Variants in KIAA1217 observed in about 807,000 individuals in gnomAD.
The protein encoded by KIAA1217 is KIAA1217, also known as sickle tail protein homolog.
Under a neutral mutation model 163.9 loss-of-function variants are expected in KIAA1217, and 88 were observed. The observed-to-expected ratio is 0.54, with a 90% CI of 0.45 to 0.64. The LOEUF (loss-of-function observed/expected upper bound fraction) is 0.64, where lower values mean the gene tolerates loss of function less well. Among genes scored for constraint, KIAA1217 ranks in the 30% least tolerant of loss-of-function variants. KIAA1217 has a pLI of 0.00. For synonymous variants in KIAA1217, 903 were observed against 923.1 expected (o/e 0.98, Z 0.39); for missense variants, 2,372 against 2,475.0 (o/e 0.96, Z 0.88).
In KIAA1217 at chr10:24,066,763, G is replaced by A. The variant is rs189539054; in HGVS notation, c.-171+59389G>A. On this transcript the variant is annotated intron_variant, in intron 2 of 18. Transcript: ENST00000376462. ...TTTCCAACTTGGTTCCATTCTCCCC[G>A]TCAATTTCAGGTACACCAATTAGAC... Among the ~76,000 whole-genome samples, 104 of 152,268 alleles carry A rather than the reference G, an allele frequency of 6.8e-4. 1 individual carries two copies. Among genetic ancestry groups the A allele is most frequent in the African/African-American group, 2.0e-3 (85 of 41,560 alleles).
At chr10:24,479,685 G>C (rs1189937913) in intron 6 of KIAA1217, among the ~76,000 whole-genome samples, 1 of 152,206 alleles carries the variant, frequency 6.6e-6, no homozygotes, top group Non-Finnish European at 1.5e-5. Flanking sequence ...CATGGTTCTA[G>C]AGGCTGAGAA....
rs181535242 is a variant in KIAA1217 at position 24,524,507 on chromosome 10, G to A, written c.2641G>A (p.Gly881Ser). The part of the protein sequence containing the change: ...DAKSEVVPLS[G>S]MMVRHAQSSP... The stretch of plus-strand genomic sequence containing the variant: ...GAAGTCGGAAGTGGTGCCTTTGTCC[G>A]GCATGATGGTTCGCCACGCGCAGAG... Residue 881 changes from glycine (G) to serine (S), a missense_variant, in exon 13 of 21, where the codon GGC (glycine) becomes AGC (serine). Gly to Ser is a moderately conservative substitution (Grantham distance 56, BLOSUM62 0). Coordinates refer to ENST00000376454, the MANE Select transcript of KIAA1217 (RefSeq NM_019590.5). The A allele has an allele frequency of 6.3e-5, 101 of 1,614,128 alleles. No individual in the cohort carries two copies. The highest frequency in any genetic ancestry group is 1.1e-4 in the East Asian group (5 of 44,874).
chr10:23,781,322 G>C (rs1301485405), intron 1 of KIAA1217, among the ~76,000 whole-genome samples: 2 of 152,130 alleles, frequency 1.3e-5, no homozygotes, highest in East Asian at 1.9e-4. Context: ...AGTGTGGGGT[G>C]ATATCTCATT....
chr10:24,166,272 G>T (rs2065341060), intron 2 of KIAA1217, among the ~76,000 whole-genome samples: 1 of 151,902 alleles, frequency 6.6e-6, no homozygotes, highest in Non-Finnish European at 1.5e-5. Flanking sequence ...ACCTAGGAAG[G>T]CATTTCCTGT....
chr10:24,070,296 A>AG lies in KIAA1217; in HGVS notation c.-171+62922_-171+62923insG, dbSNP rs1298286961. 3.3e-5 allele frequency among the ~76,000 whole-genome samples: 5 copies of AG among 151,980 alleles called. No individual in the cohort carries two copies. The East Asian group carries it at 7.7e-4, about 23-fold the overall frequency. ...GACTATATCAGAATTGATAAAAAAA[A>AG]AAGAGATATTAATATCCAAAGCCAA... On this transcript the variant is annotated intron_variant, in intron 2 of 18. Coordinates refer to the KIAA1217 transcript ENST00000376462.
At position 24,543,266 on chromosome 10, in the gene KIAA1217, T is replaced by C. The variant is rs1367941246; in HGVS notation, c.3996T>C (p.Asp1332=). ...HTRLTESSVH[D]FKTEDQEVIT... ...GACTAACAGAATCAAGCGTGCATGA[T>C]TTTAAAACAGAAGATCAAGAGGTTA... The change falls in exon 19 of 21, where the codon GAT becomes GAC. Residue 1332 remains aspartate, a synonymous_variant. Coordinates refer to ENST00000376454, the MANE Select transcript of KIAA1217 (RefSeq NM_019590.5). 3.7e-6 allele frequency: 6 copies of C among 1,613,732 alleles called. No homozygotes were observed. Among genetic ancestry groups the C allele is most frequent in the African/African-American group, 1.3e-5 (1 of 74,798 alleles).
At chr10:23,843,558 T>G (rs538176918) in intron 1 of KIAA1217, among the ~76,000 whole-genome samples, 18 of 152,282 alleles carry the variant, frequency 1.2e-4, no homozygotes, top group African/African-American at 3.6e-4. Context: ...ACCTGTTCCA[T>G]TGGTCCCTCC....
intron 2 of KIAA1217, among the ~76,000 whole-genome samples, chr10:24,376,400 C>T (rs533459583): frequency 6.5e-4 from 99 of 152,290 alleles, no homozygotes; most frequent in Non-Finnish European, 1.2e-3. Context: ...TGTGACTCAA[C>T]GAGGTTATAT....
chr10:24,346,006 T>C (rs2047711349), intron 2 of KIAA1217, among the ~76,000 whole-genome samples: 1 of 152,164 alleles, frequency 6.6e-6, no homozygotes, highest in African/African-American at 2.4e-5. Context: ...CATTCTACTT[T>C]CTGTCTCTGT....
At chr10:23,735,253 A>T (rs183128774) in intron 1 of KIAA1217, among the ~76,000 whole-genome samples, 16 of 150,688 alleles carry the variant, frequency 1.1e-4, no homozygotes, top group Admixed American at 7.9e-4. Flanking sequence ...ATTTATTTTG[A>T]GATGGAGTCT....
chr10:24,502,762 G>T (rs946331468), intron 9 of KIAA1217, among the ~76,000 whole-genome samples: 2 of 152,172 alleles, frequency 1.3e-5, no homozygotes, highest in African/African-American at 2.4e-5. Context: ...GGAGGACGAG[G>T]CAGGTGGATG....
intron 2 of KIAA1217, among the ~76,000 whole-genome samples, chr10:24,203,565 C>T (rs183778528): frequency 6.6e-6 from 1 of 151,854 alleles, no homozygotes; most frequent in Admixed American, 6.6e-5. Flanking sequence ...CCCCCCAACC[C>T]CCACCTCCAC....
At chr10:23,737,919 G>T (rs556187886) in intron 1 of KIAA1217, among the ~76,000 whole-genome samples, 1 of 141,536 alleles carries the variant, frequency 7.1e-6, no homozygotes, top group East Asian at 2.0e-4. Flanking sequence ...AACTTACTGT[G>T]TGGCAAATTT....
At chr10:24,056,914 T>C (rs748708756) in intron 2 of KIAA1217, among the ~76,000 whole-genome samples, 11 of 152,214 alleles carry the variant, frequency 7.2e-5, no homozygotes, top group Non-Finnish European at 1.3e-4. Context: ...TTAAAGGTTG[T>C]ATTTAATTAC....
At chr10:24,447,687 C>T (rs968822241) in intron 5 of KIAA1217, among the ~76,000 whole-genome samples, 3 of 152,182 alleles carry the variant, frequency 2.0e-5, no homozygotes, top group African/African-American at 7.2e-5. Context: ...TAATTAGTGC[C>T]TTATCTACTA....
intron 1 of KIAA1217, among the ~76,000 whole-genome samples, chr10:23,838,016 G>A (rs529840233): frequency 6.6e-6 from 1 of 152,154 alleles, no homozygotes; most frequent in African/African-American, 2.4e-5. Context: ...TTGTCCTTTT[G>A]TCTTTCTGCT....
intron 2 of KIAA1217, among the ~76,000 whole-genome samples, chr10:24,149,250 G>A (rs1004859681): frequency 6.6e-6 from 1 of 152,140 alleles, no homozygotes; most frequent in Non-Finnish European, 1.5e-5. Flanking sequence ...CACAATCTCT[G>A]CTAACTGCAA....
intron 1 of KIAA1217, among the ~76,000 whole-genome samples, chr10:23,973,188 C>A (rs1845393744): frequency 6.6e-6 from 1 of 151,758 alleles, no homozygotes; most frequent in South Asian, 2.1e-4. Flanking sequence ...TTTTTTTCCG[C>A]ATCCTTGTTA....
intron 2 of KIAA1217, among the ~76,000 whole-genome samples, chr10:24,037,028 G>A (rs1287752797): frequency 6.6e-6 from 1 of 152,186 alleles, no homozygotes; most frequent in Non-Finnish European, 1.5e-5. Flanking sequence ...GTAGGGCCCT[G>A]GAGAGCAGAG....
Sources: allele counts gnomAD v4.1 joint callset (sites outside exome capture counted in the v4.1 genomes callset), GRCh38; gene constraint gnomAD v4.1.1; transcripts MANE v1.5; gene names NCBI Gene and HGNC (gene_info 2026-07-23, HGNC 2026-07-21).